AGBL4: variants seen among roughly 807,000 people sequenced by gnomAD.
The protein encoded by AGBL4 is AGBL carboxypeptidase 4.
In AGBL4, 58 loss-of-function variants were observed where a neutral mutation model predicts 66.4. That is an observed-to-expected ratio of 0.87 (90% confidence interval 0.71 to 1.09). The LOEUF (loss-of-function observed/expected upper bound fraction) is 1.09. AGBL4 is among the 50% of genes least tolerant of loss of function. The probability of loss-of-function intolerance (pLI) is 0.00; values close to 1 mark genes in which losing one functional copy is unlikely to be tolerated. For missense variants in AGBL4, 579 were observed against 631.0 expected (o/e 0.92, Z 0.88); for synonymous variants, 234 against 222.9 (o/e 1.05, Z -0.44).
chr1:49,971,490 T>C lies in AGBL4; in HGVS notation c.34+52273A>G, dbSNP rs181581939. Among the ~76,000 whole-genome samples the C allele has an allele frequency of 3.7e-3, 562 of 152,228 alleles. 1 individual carries two copies. The highest frequency in any genetic ancestry group is 5.8e-3 in the Non-Finnish European group (392 of 68,006). ...AAAAGAAGTCATAAAGAGCTTCCTT[T>C]AAATAAGAAGGTGAAAGTTCTCAGC... On this transcript the variant is annotated intron_variant, in intron 1 of 13. Coordinates refer to ENST00000371839, the MANE Select transcript of AGBL4 (RefSeq NM_032785.4).
chr1:48,551,429 A>G (rs1230825384), intron 11 of AGBL4, among the ~76,000 whole-genome samples: 1 of 152,170 alleles, frequency 6.6e-6, no homozygotes, highest in East Asian at 1.9e-4. Context: ...TAGCTTTTTT[A>G]TTATCATTAC....
At chr1:49,221,089 G>A (rs1424272082) in intron 4 of AGBL4, among the ~76,000 whole-genome samples, 2 of 151,992 alleles carry the variant, frequency 1.3e-5, no homozygotes, top group African/African-American at 2.4e-5. Context: ...GAAAACTTAG[G>A]GAAGTATCTA....
At chr1:49,498,300 T>G (rs1174567510) in intron 3 of AGBL4, among the ~76,000 whole-genome samples, 1 of 151,824 alleles carries the variant, frequency 6.6e-6, no homozygotes, top group Non-Finnish European at 1.5e-5. Context: ...TAGACTGTGT[T>G]ATCTACACAC....
At chr1:49,259,626 A>C in intron 3 of AGBL4, among the ~76,000 whole-genome samples, 2 of 129,244 alleles carry the variant, frequency 1.5e-5, no homozygotes, top group African/African-American at 5.9e-5. Flanking sequence ...ATATATATGC[A>C]CCCAATACAG....
At chr1:49,177,564 TC>T (rs1200954588) in intron 4 of AGBL4, among the ~76,000 whole-genome samples, 1 of 152,158 alleles carries the variant, frequency 6.6e-6, no homozygotes, top group Non-Finnish European at 1.5e-5. Context: ...AAACCTGAGT[TC>T]CATATGGTAA....
At chr1:49,085,427 G>T (rs1317932511) in intron 4 of AGBL4, among the ~76,000 whole-genome samples, 1 of 151,876 alleles carries the variant, frequency 6.6e-6, no homozygotes, top group Admixed American at 6.6e-5. Context: ...TGGTTCTCTA[G>T]CTTGCAGGTA....
chr1:49,539,821 C>T (rs1202230588), intron 3 of AGBL4, among the ~76,000 whole-genome samples: 2 of 151,996 alleles, frequency 1.3e-5, no homozygotes, highest in Non-Finnish European at 2.9e-5. Flanking sequence ...TGAGGTGGAA[C>T]CTGGAGAAAT....
At chr1:49,901,785 A>G (rs892839675) in intron 1 of AGBL4, among the ~76,000 whole-genome samples, 2 of 152,186 alleles carry the variant, frequency 1.3e-5, no homozygotes, top group African/African-American at 4.8e-5. Context: ...CCAACTTCAA[A>G]CTATATTTCA....
intron 2 of AGBL4, among the ~76,000 whole-genome samples, chr1:49,793,050 A>G (rs1644641446): frequency 6.6e-6 from 1 of 152,008 alleles, no homozygotes; most frequent in Non-Finnish European, 1.5e-5. Context: ...CTACCACCTA[A>G]CCAAACAATG....
chr1:48,810,114 C>G (rs771388175), intron 6 of AGBL4, among the ~76,000 whole-genome samples: 3 of 152,172 alleles, frequency 2.0e-5, no homozygotes, highest in Non-Finnish European at 4.4e-5. Context: ...CTCATTCACT[C>G]ATTCACTCAA....
intron 3 of AGBL4, among the ~76,000 whole-genome samples, chr1:49,677,344 C>A (rs2124547612): frequency 6.6e-6 from 1 of 152,174 alleles, no homozygotes; most frequent in South Asian, 2.1e-4. Flanking sequence ...TCTGCATCAA[C>A]TGATATGATC....
At chr1:49,994,525 G>C (rs990984400) in intron 1 of AGBL4, 1 of 152,210 alleles carries the variant, frequency 6.6e-6, no homozygotes, top group Non-Finnish European at 1.5e-5. Context: ...GCTGAAGTAA[G>C]CCACAATCAT....
intron 4 of AGBL4, among the ~76,000 whole-genome samples, chr1:49,084,510 C>T (rs1644868882): frequency 6.6e-6 from 1 of 152,136 alleles, no homozygotes; most frequent in African/African-American, 2.4e-5. Context: ...ATTTATAAAA[C>T]CATCAGATCT....
At chr1:48,968,042 G>A (rs188652284) in intron 5 of AGBL4, among the ~76,000 whole-genome samples, 478 of 151,936 alleles carry the variant, frequency 3.1e-3, no homozygotes, top group Non-Finnish European at 5.3e-3. Context: ...ATCCTTTGAG[G>A]GACCTAAATG....
rs373395202 is a variant in AGBL4, at chr1:49,776,861, C to T, written c.157+74535G>A. 5.9e-5 allele frequency among the ~76,000 whole-genome samples: 9 copies of T among 152,174 alleles called. No individual in the cohort carries two copies. In the South Asian group the frequency reaches 1.7e-3, roughly 28 times the overall value. ...AAGTAACATGAAGCTCAGATCATGT[C>T]TTGCCCTCACTGTATTTGCAGCATT... On this transcript the variant is annotated intron_variant, in intron 2 of 13. Transcript: ENST00000371839.
intron 5 of AGBL4, among the ~76,000 whole-genome samples, chr1:48,979,052 C>T (rs1659552659): frequency 1.3e-5 from 2 of 152,202 alleles, no homozygotes; most frequent in African/African-American, 2.4e-5. Flanking sequence ...CTTAATTCTG[C>T]TTGGCAAAAG....
At chr1:49,520,654 C>G (rs961631692) in intron 3 of AGBL4, among the ~76,000 whole-genome samples, 2 of 151,934 alleles carry the variant, frequency 1.3e-5, no homozygotes, top group African/African-American at 4.8e-5. Context: ...ATACGAACTT[C>G]CTGCTGACCT....
rs368549580 is a variant in AGBL4 at position 49,657,739 on chromosome 1, C to G, written c.282+39574G>C. 2.6e-5 allele frequency among the ~76,000 whole-genome samples: 4 copies of G among 152,062 alleles called. No homozygotes were observed. In the East Asian group the frequency reaches 7.7e-4, roughly 29 times the overall value. ...ACTATCTGATCTTTGACAAACCTGA[C>G]AAAGACAAGCAATGGGGAAAGGATT... On this transcript the variant is annotated intron_variant, in intron 3 of 13. Coordinates refer to ENST00000371839, the MANE Select transcript of AGBL4 (RefSeq NM_032785.4).
intron 4 of AGBL4, among the ~76,000 whole-genome samples, chr1:49,180,642 G>A (rs1197559764): frequency 6.6e-6 from 1 of 152,148 alleles, no homozygotes; most frequent in Non-Finnish European, 1.5e-5. Flanking sequence ...AGAAGATACT[G>A]ATCCAGAAGA....
Sources: allele counts gnomAD v4.1 joint callset (sites outside exome capture counted in the v4.1 genomes callset), GRCh38; gene constraint gnomAD v4.1.1; transcripts MANE v1.5; gene names NCBI Gene and HGNC (gene_info 2026-07-23, HGNC 2026-07-21).